The following ANKFN1 variants were observed in gnomAD, a reference collection of about 807,000 sequenced individuals.
ANKFN1 encodes the protein ankyrin repeat and fibronectin type-III domain-containing protein 1.
A neutral mutation model predicts 108.7 loss-of-function variants in ANKFN1; 74 were observed. The ratio of observed to expected loss-of-function variants is 0.68; its 90% confidence interval spans 0.56 to 0.83. The LOEUF (loss-of-function observed/expected upper bound fraction) is 0.83. ANKFN1 is among the 40% of genes least tolerant of loss of function. The pLI, the probability that ANKFN1 is intolerant of heterozygous loss-of-function variation, is 0.00. For missense variants in ANKFN1, 1,505 were observed against 1,382.3 expected, an observed-to-expected ratio of 1.09 and a Z score of -1.41; for synonymous variants, 547 against 516.2, an observed-to-expected ratio of 1.06 and a Z score of -0.81.
chr17:56,476,727 A>C (rs577437095), intron 15 of ANKFN1, among the ~76,000 whole-genome samples: 4 of 152,356 alleles, frequency 2.6e-5, no homozygotes, highest in African/African-American at 9.6e-5. Context: ...ATTTTTTAAA[A>C]GATGCCTGGA....
chr17:56,307,830 A>G (rs1240487008), intron 3 of ANKFN1, among the ~76,000 whole-genome samples: 1 of 152,216 alleles, frequency 6.6e-6, no homozygotes, highest in Non-Finnish European at 1.5e-5. Context: ...AACCAACCCA[A>G]ATGTCCAACA....
intron 3 of ANKFN1, among the ~76,000 whole-genome samples, chr17:56,268,860 T>G (rs1239883780): frequency 1.3e-5 from 2 of 152,204 alleles, no homozygotes; most frequent in African/African-American, 4.8e-5. Context: ...TATTAAATTT[T>G]TATTAAATGT....
chr17:56,264,412 A>G (rs75704665), intron 3 of ANKFN1, among the ~76,000 whole-genome samples: 1,932 of 152,184 alleles, frequency 0.013, 44 homozygotes, highest in African/African-American at 0.044. Flanking sequence ...AGACCTCCCA[A>G]ACTTACAGGA....
chr17:56,313,956 C>G (rs541930581), intron 3 of ANKFN1, among the ~76,000 whole-genome samples: 56 of 152,266 alleles, frequency 3.7e-4, no homozygotes, highest in African/African-American at 1.3e-3. Context: ...ACCTAGGCAG[C>G]CAGTGTTTTG....
chr17:56,427,670 A>T (rs934692248), intron 8 of ANKFN1, among the ~76,000 whole-genome samples: 3 of 152,154 alleles, frequency 2.0e-5, no homozygotes, highest in African/African-American at 4.8e-5. Context: ...TCAGTCAGCG[A>T]AAGTCCAATA....
At chr17:56,488,612 A>G (rs1367229381) in intron 18 of ANKFN1, among the ~76,000 whole-genome samples, 4 of 152,216 alleles carry the variant, frequency 2.6e-5, no homozygotes, top group Non-Finnish European at 5.9e-5. Context: ...TACATGATTT[A>G]AGAGATCATT....
chr17:56,499,577 C>T lies in ANKFN1; in HGVS notation c.2644+479C>T, dbSNP rs151246053. 4.2e-3 allele frequency among the ~76,000 whole-genome samples: 640 copies of T among 152,216 alleles called. 8 individuals are homozygous for T. The highest frequency in any genetic ancestry group is 6.0e-3 in the Non-Finnish European group (405 of 68,002). ...CTTCCCATCCATATAGCACAATGTTCTAGAGTGGAAGGTGGGAAAGAGAGA... is the reference window on the plus strand; with the variant it reads ...CTTCCCATCCATATAGCACAATGTTTTAGAGTGGAAGGTGGGAAAGAGAGA... On this transcript the variant is annotated intron_variant, in intron 20 of 20. Transcript: ENST00000682825.
At chr17:56,335,747 A>G (rs1306182278) in intron 4 of ANKFN1, among the ~76,000 whole-genome samples, 4 of 152,182 alleles carry the variant, frequency 2.6e-5, no homozygotes, top group Non-Finnish European at 5.9e-5. Context: ...AACTTCCAAC[A>G]CTATGTTGAA....
intron 4 of ANKFN1, among the ~76,000 whole-genome samples, chr17:56,123,393 G>A (rs1016964915): frequency 7.2e-5 from 11 of 152,152 alleles, no homozygotes; most frequent in African/African-American, 2.7e-4. Flanking sequence ...TGATGGGGAG[G>A]GCAGCGGTAG....
chr17:56,337,683 G>A (rs2045851157), intron 4 of ANKFN1, among the ~76,000 whole-genome samples: 1 of 152,158 alleles, frequency 6.6e-6, no homozygotes, highest in South Asian at 2.1e-4. Context: ...CATTTATGCA[G>A]CCAACAGACA....
chr17:56,089,943 T>A (rs1243745657), intron 4 of ANKFN1, among the ~76,000 whole-genome samples: 3 of 151,404 alleles, frequency 2.0e-5, no homozygotes, highest in African/African-American at 7.3e-5. Flanking sequence ...AGAGAGACTT[T>A]GCTAAGTATA....
rs557538153 is a variant in ANKFN1, at chr17:56,237,179, C to T, written c.53+9222C>T. On this transcript the variant is annotated intron_variant, in intron 3 of 20. Transcript: ENST00000682825. The stretch of plus-strand genomic sequence containing the variant: ...TGGTTTGCAAGTATTCTATTAAGGA[C>T]GTTTGCATCAATGTTCATAAAGGAT... Among the ~76,000 whole-genome samples the T allele has an allele frequency of 5.9e-5, 9 of 152,114 alleles. No homozygotes were observed. The South Asian group carries it at 1.0e-3, about 18-fold the overall frequency.
At chr17:56,203,230 A>G (rs1056019624) in intron 1 of ANKFN1, among the ~76,000 whole-genome samples, 1 of 152,002 alleles carries the variant, frequency 6.6e-6, no homozygotes, top group Non-Finnish European at 1.5e-5. Flanking sequence ...CTCCCTAAAT[A>G]TCTAAGATCT....
intron 4 of ANKFN1, among the ~76,000 whole-genome samples, chr17:56,121,624 A>G (rs1386632255): frequency 6.6e-5 from 10 of 151,688 alleles, no homozygotes; most frequent in African/African-American, 1.9e-4. Flanking sequence ...GTGCTAGGGG[A>G]AAAAAAGGGT....
At chr17:56,256,362 A>G (rs527869675) in intron 3 of ANKFN1, among the ~76,000 whole-genome samples, 2 of 152,342 alleles carry the variant, frequency 1.3e-5, no homozygotes, top group Admixed American at 6.5e-5. Context: ...CATTTTCCTC[A>G]TGGCAGACAA....
intron 3 of ANKFN1, among the ~76,000 whole-genome samples, chr17:56,240,893 G>A (rs1396731377): frequency 3.3e-5 from 5 of 151,520 alleles, no homozygotes; most frequent in African/African-American, 1.2e-4. Flanking sequence ...TTGTATAAGT[G>A]AATTATCTCT....
intron 15 of ANKFN1, chr17:56,472,227 GTC>G (rs983854538): frequency 4.6e-5 from 7 of 152,084 alleles, no homozygotes; most frequent in African/African-American, 1.7e-4. Flanking sequence ...TTTTGGTAAA[GTC>G]TTTTTATTTT....
chr17:56,168,303 A>C (rs1910350702), intron 1 of ANKFN1, among the ~76,000 whole-genome samples: 1 of 151,284 alleles, frequency 6.6e-6, no homozygotes, highest in African/African-American at 2.4e-5. Context: ...GACTAGTGTG[A>C]CTACTGTGTA....
chr17:56,321,483 C>A (rs2045366124), intron 3 of ANKFN1, among the ~76,000 whole-genome samples: 1 of 150,860 alleles, frequency 6.6e-6, no homozygotes, highest in Non-Finnish European at 1.5e-5. Flanking sequence ...AAAATCTTCG[C>A]TGAAAAAAAA....
Sources: allele counts gnomAD v4.1 joint callset (sites outside exome capture counted in the v4.1 genomes callset), GRCh38; gene constraint gnomAD v4.1.1; transcripts MANE v1.5; gene names NCBI Gene and HGNC (gene_info 2026-07-23, HGNC 2026-07-21).